The following CNTNAP2 variants were observed in gnomAD, a reference collection of about 807,000 sequenced individuals.
CNTNAP2 encodes the protein contactin-associated protein-like 2.
CNTNAP2 carries 98 observed loss-of-function variants against 155.2 expected under a neutral mutation model. The observed-to-expected ratio is 0.63, with a 90% CI of 0.54 to 0.75. CNTNAP2 has a LOEUF of 0.75. Among genes scored for constraint, CNTNAP2 ranks in the 30% least tolerant of loss-of-function variants. CNTNAP2 has a pLI of 0.00. For synonymous variants in CNTNAP2, 651 were observed against 631.2 expected, an observed-to-expected ratio of 1.03 and a Z score of -0.47; for missense variants, 1,727 against 1,688.1, an observed-to-expected ratio of 1.02 and a Z score of -0.40.
Position 147,238,108 on chromosome 7 carries a change from G to A in CNTNAP2, c.1349-62033G>A, listed in dbSNP as rs559145325. On this transcript the variant is annotated intron_variant, in intron 8 of 23. Coordinates refer to ENST00000361727, the MANE Select transcript of CNTNAP2 (RefSeq NM_014141.6). Reference sequence around the variant, plus strand: ...CGGCTCACTACAAGCTCCGCCTCCCGGGTTCACGCCATTCTCCTGCCTCGG... The same window carrying A: ...CGGCTCACTACAAGCTCCGCCTCCCAGGTTCACGCCATTCTCCTGCCTCGG... Among the ~76,000 whole-genome samples, 13 of 152,224 alleles carry A rather than the reference G, an allele frequency of 8.5e-5. No individual in the cohort carries two copies. In the South Asian group the frequency reaches 1.2e-3, roughly 15 times the overall value.
chr7:146,659,105 C>T (rs1005769808), intron 1 of CNTNAP2, among the ~76,000 whole-genome samples: 3 of 152,228 alleles, frequency 2.0e-5, no homozygotes, highest in Admixed American at 2.0e-4. Context: ...AATTTTACCC[C>T]CAAACCTGAT....
At chr7:146,505,286 A>T (rs112678813) in intron 1 of CNTNAP2, among the ~76,000 whole-genome samples, 18 of 152,320 alleles carry the variant, frequency 1.2e-4, no homozygotes, top group African/African-American at 4.1e-4. Flanking sequence ...GGACCATTCC[A>T]CAATGCTGTT....
chr7:147,126,261 A>G (rs1801232262), intron 6 of CNTNAP2, among the ~76,000 whole-genome samples: 1 of 152,206 alleles, frequency 6.6e-6, no homozygotes, highest in Non-Finnish European at 1.5e-5. Flanking sequence ...TTTTGTGTAC[A>G]CTTGAAAGCT....
chr7:148,274,951 G>A (rs144399853), intron 21 of CNTNAP2, among the ~76,000 whole-genome samples: 129 of 152,316 alleles, frequency 8.5e-4, no homozygotes, highest in African/African-American at 3.0e-3. Flanking sequence ...TTAGCGGTTA[G>A]CACAGTCTCT....
intron 13 of CNTNAP2, among the ~76,000 whole-genome samples, chr7:147,882,192 T>A (rs1474028882): frequency 6.6e-6 from 1 of 151,644 alleles, no homozygotes; most frequent in African/African-American, 2.4e-5. Context: ...GAAACAGAGA[T>A]CATCAAAGTC....
At chr7:146,857,845 G>A (rs1330090512) in intron 3 of CNTNAP2, among the ~76,000 whole-genome samples, 1 of 152,180 alleles carries the variant, frequency 6.6e-6, no homozygotes, top group Non-Finnish European at 1.5e-5. Context: ...TACCAAAGAT[G>A]TACACATAGA....
At chr7:148,372,200 C>CA (rs939288826) in intron 21 of CNTNAP2, among the ~76,000 whole-genome samples, 3 of 151,146 alleles carry the variant, frequency 2.0e-5, no homozygotes, top group Non-Finnish European at 4.4e-5. Flanking sequence ...GACTCCGTCT[C>CA]AAAAAAAATA....
chr7:148,315,025 G>T (rs1378037630), intron 21 of CNTNAP2, among the ~76,000 whole-genome samples: 1 of 152,158 alleles, frequency 6.6e-6, no homozygotes, highest in African/African-American at 2.4e-5. Flanking sequence ...TAGTGAGAGA[G>T]GTTGGAGAAG....
intron 10 of CNTNAP2, among the ~76,000 whole-genome samples, chr7:147,429,555 A>C (rs1042172667): frequency 1.2e-4 from 19 of 152,108 alleles, no homozygotes; most frequent in Admixed American, 6.5e-4. Flanking sequence ...GCTGTGCAAA[A>C]GCTTTTTAGT....
chr7:148,377,591 C>T (rs1798986139), intron 21 of CNTNAP2, among the ~76,000 whole-genome samples: 1 of 67,384 alleles, frequency 1.5e-5, no homozygotes, highest in African/African-American at 3.6e-5. Flanking sequence ...CCTGAATACG[C>T]TGAAGACCTC....
Position 147,046,243 on chromosome 7 carries a change from C to T in CNTNAP2, c.550+2189C>T, listed in dbSNP as rs564900545. ...TAATCAAAACATCATGTCAACACCC[C>T]GCAACCACTGAGTAGGCCTTCTCCC... On this transcript the variant is annotated intron_variant, in intron 4 of 23. Transcript: ENST00000361727. Among the ~76,000 whole-genome samples the T allele has an allele frequency of 9.2e-5, 14 of 152,198 alleles. No individual in the cohort carries two copies. The South Asian group carries it at 2.1e-3, about 23-fold the overall frequency.
chr7:147,758,186 G>A lies in CNTNAP2; in HGVS notation c.2098+118880G>A, dbSNP rs942569478. 3.3e-5 allele frequency among the ~76,000 whole-genome samples: 5 copies of A among 152,250 alleles called. 1 individual carries two copies. The highest frequency in any genetic ancestry group is 7.4e-5 in the Non-Finnish European group (5 of 68,018). ...AATTTAATTACAAAACTGGCACAAA[G>A]GCACAATTTAGTTGTGGTGAGGAAA... On this transcript the variant is annotated intron_variant, in intron 13 of 23. Transcript: ENST00000361727.
intron 8 of CNTNAP2, among the ~76,000 whole-genome samples, chr7:147,226,802 T>A (rs1179525803): frequency 6.6e-6 from 1 of 152,228 alleles, no homozygotes; most frequent in Admixed American, 6.5e-5. Flanking sequence ...TTACAATTCA[T>A]GCTACTTCAG....
intron 14 of CNTNAP2, among the ~76,000 whole-genome samples, chr7:147,906,711 C>T (rs185430796): frequency 6.0e-4 from 91 of 152,244 alleles, no homozygotes; most frequent in Non-Finnish European, 1.0e-3. Flanking sequence ...CTACCTGCCT[C>T]GGCCTCCCAA....
intron 22 of CNTNAP2, among the ~76,000 whole-genome samples, chr7:148,394,248 G>A (rs923496701): frequency 2.0e-5 from 3 of 152,000 alleles, no homozygotes; most frequent in African/African-American, 7.3e-5. Context: ...TTTCCCAAAT[G>A]GCCCACTGTT....
rs542472204 is a variant in CNTNAP2 at position 148,347,026 on chromosome 7, G to C, written c.3476-36623G>C. On this transcript the variant is annotated intron_variant, in intron 21 of 23. Transcript: ENST00000361727. Reference sequence around the variant, plus strand: ...AATCCCAGCACTTTGGGAGGCCGAGGCTGGAGGATCACCTGAGGTCAGGAG... The same window carrying C: ...AATCCCAGCACTTTGGGAGGCCGAGCCTGGAGGATCACCTGAGGTCAGGAG... Among the ~76,000 whole-genome samples, 5 of 151,990 alleles carry C rather than the reference G, an allele frequency of 3.3e-5. No individual in the cohort carries two copies. In the East Asian group the frequency reaches 9.7e-4, roughly 30 times the overall value.
chr7:146,331,300 T>C (rs1801182172), intron 1 of CNTNAP2, among the ~76,000 whole-genome samples: 1 of 131,370 alleles, frequency 7.6e-6, no homozygotes. Flanking sequence ...CGAGACTCCG[T>C]CTCAAAAAAA....
intron 11 of CNTNAP2, among the ~76,000 whole-genome samples, chr7:147,550,618 A>T (rs1799833330): frequency 6.6e-6 from 1 of 152,150 alleles, no homozygotes; most frequent in African/African-American, 2.4e-5. Context: ...GAAGTGAAGA[A>T]AAAGGGAAGG....
At chr7:146,467,923 A>G (rs1344873546) in intron 1 of CNTNAP2, among the ~76,000 whole-genome samples, 1 of 152,202 alleles carries the variant, frequency 6.6e-6, no homozygotes, top group Non-Finnish European at 1.5e-5. Context: ...ATACATGCAT[A>G]CATGGCAGAC....
Sources: allele counts gnomAD v4.1 joint callset (sites outside exome capture counted in the v4.1 genomes callset), GRCh38; gene constraint gnomAD v4.1.1; transcripts MANE v1.5; gene names NCBI Gene and HGNC (gene_info 2026-07-23, HGNC 2026-07-21).